The following CALCR variants were observed in gnomAD, a reference collection of about 807,000 sequenced individuals.
CALCR encodes calcitonin receptor.
In CALCR, 47 loss-of-function variants were observed where a neutral mutation model predicts 59.5. That is an observed-to-expected ratio of 0.79 (90% CI 0.63 to 1.01). The LOEUF is 1.01. CALCR is among the 50% of genes least tolerant of loss of function. The pLI is 0.00. For synonymous variants in CALCR, 213 were observed against 211.3 expected, an observed-to-expected ratio of 1.01 and a Z score of -0.07; for missense variants, 566 against 597.1, an observed-to-expected ratio of 0.95 and a Z score of 0.54.
At chr7:93,549,371 G>C (rs1288657725) in intron 2 of CALCR, among the ~76,000 whole-genome samples, 1 of 151,940 alleles carries the variant, frequency 6.6e-6, no homozygotes, top group Non-Finnish European at 1.5e-5. Context: ...GGAAGGTAGA[G>C]AGAAAAAAGG....
chr7:93,499,206 G>A (rs970684003), intron 2 of CALCR, among the ~76,000 whole-genome samples: 1 of 151,718 alleles, frequency 6.6e-6, no homozygotes, highest in Non-Finnish European at 1.5e-5. Context: ...ACTTGACATT[G>A]TAATAGAAAA....
intron 2 of CALCR, among the ~76,000 whole-genome samples, chr7:93,547,722 C>T (rs760841071): frequency 6.6e-6 from 1 of 152,184 alleles, no homozygotes; most frequent in Non-Finnish European, 1.5e-5. Flanking sequence ...TGGAAAGTCA[C>T]ACCTGAGTAT....
At position 93,426,473 on chromosome 7, in the gene CALCR, G is replaced by T. The variant is rs751428108; in HGVS notation, c.1308C>A (p.Gly436=). The change falls in exon 14 of 14, where the codon GGC becomes GGA. Residue 436 remains glycine, a synonymous_variant. Transcript: ENST00000426151. ...ARAAAAAAEA[G]DIPIYICHQE... ...GATGGCAGATGTAAATTGGGATGTCGCCAGCCTCCGCAGCAGCGGCTGCAG... is the reference window on the plus strand; with the variant it reads ...GATGGCAGATGTAAATTGGGATGTCTCCAGCCTCCGCAGCAGCGGCTGCAG... 4.3e-6 allele frequency: 7 copies of T among 1,613,408 alleles called. No individual in the cohort carries two copies. The South Asian group carries it at 6.6e-5, about 15-fold the overall frequency.
chr7:93,503,311 C>A (rs531650300), intron 2 of CALCR, among the ~76,000 whole-genome samples: 2 of 152,150 alleles, frequency 1.3e-5, no homozygotes, highest in Non-Finnish European at 1.5e-5. Flanking sequence ...ACTACTCACA[C>A]CCTATTGCCC....
At chr7:93,444,019 C>A (rs1799963483) in intron 8 of CALCR, among the ~76,000 whole-genome samples, 1 of 152,156 alleles carries the variant, frequency 6.6e-6, no homozygotes, top group Non-Finnish European at 1.5e-5. Flanking sequence ...TGCGGACTTA[C>A]ACAGATGGGT....
intron 13 of CALCR, among the ~76,000 whole-genome samples, chr7:93,430,891 T>C (rs539690527): frequency 6.6e-6 from 1 of 152,320 alleles, no homozygotes; most frequent in African/African-American, 2.4e-5. Flanking sequence ...TTGCTTAGCA[T>C]TGAGACTCAA....
intron 2 of CALCR, among the ~76,000 whole-genome samples, chr7:93,526,800 T>C (rs1801886506): frequency 6.6e-6 from 1 of 152,098 alleles, no homozygotes; most frequent in Non-Finnish European, 1.5e-5. Context: ...TTCAACAACA[T>C]AGTTACTTAT....
At chr7:93,533,052 C>T (rs1788888974) in intron 2 of CALCR, among the ~76,000 whole-genome samples, 1 of 151,680 alleles carries the variant, frequency 6.6e-6, no homozygotes, top group Admixed American at 6.6e-5. Context: ...AAGGTGATGC[C>T]AATTTTCTCA....
Position 93,436,062 on chromosome 7 carries a change from T to C in CALCR, c.1039A>G (p.Ile347Val). The change falls in exon 12 of 14, where the codon ATC becomes GTC. Residue 347 changes from isoleucine (I) to valine (V), a missense_variant. Coordinates refer to ENST00000426151, the MANE Select transcript of CALCR (RefSeq NM_001742.4). ...TGGATTCCCAGCAGGGGCACAAGGA[T>C]CATGGTGGCCTTCACAGCCTTCAGG... ...MYLKAVKATM[I>V]LVPLLGIQFV... 1 of 1,613,972 alleles carries C rather than the reference T, an allele frequency of 6.2e-7. No homozygotes were observed. The highest frequency in any genetic ancestry group is 8.5e-7 in the Non-Finnish European group (1 of 1,179,886).
intron 2 of CALCR, among the ~76,000 whole-genome samples, chr7:93,551,829 G>A (rs1005618168): frequency 2.0e-5 from 3 of 152,124 alleles, no homozygotes; most frequent in Admixed American, 2.0e-4. Context: ...TGCTGATACA[G>A]TGTGTTAAGC....
chr7:93,564,252 G>T (rs531797989), intron 2 of CALCR, among the ~76,000 whole-genome samples: 7 of 152,006 alleles, frequency 4.6e-5, no homozygotes, highest in African/African-American at 1.2e-4. Context: ...TGAATGTGTG[G>T]GGGGGGACAG....
chr7:93,558,358 G>A (rs1346381011), intron 2 of CALCR, among the ~76,000 whole-genome samples: 1 of 151,938 alleles, frequency 6.6e-6, no homozygotes, highest in Non-Finnish European at 1.5e-5. Context: ...ACCATGGTTT[G>A]ATAATGTTTA....
At chr7:93,532,015 A>G (rs561348581) in intron 2 of CALCR, among the ~76,000 whole-genome samples, 1 of 152,230 alleles carries the variant, frequency 6.6e-6, no homozygotes, top group South Asian at 2.1e-4. Context: ...ATTTTAAAAA[A>G]CAACTATAAT....
At chr7:93,541,074 C>T (rs1000146514) in intron 2 of CALCR, among the ~76,000 whole-genome samples, 1 of 152,002 alleles carries the variant, frequency 6.6e-6, no homozygotes. Flanking sequence ...ATATGATTGC[C>T]ACGCAAATGC....
At chr7:93,432,093 C>T (rs1304358264) in intron 13 of CALCR, among the ~76,000 whole-genome samples, 1 of 152,052 alleles carries the variant, frequency 6.6e-6, no homozygotes, top group African/African-American at 2.4e-5. Context: ...TCTAGTCTAC[C>T]CACTGACTCT....
chr7:93,481,916 T>G (rs1026764746), intron 3 of CALCR, among the ~76,000 whole-genome samples: 1 of 151,858 alleles, frequency 6.6e-6, no homozygotes, highest in Non-Finnish European at 1.5e-5. Flanking sequence ...CAAATATTGA[T>G]CAAACTTGAT....
chr7:93,435,505 A>AATGTT (rs1799752453), intron 12 of CALCR, among the ~76,000 whole-genome samples: 1 of 152,106 alleles, frequency 6.6e-6, no homozygotes, highest in Non-Finnish European at 1.5e-5. Context: ...TGGAGGCTTA[A>AATGTT]ATGTTATGAC....
chr7:93,504,492 T>C (rs1478117449), intron 2 of CALCR, among the ~76,000 whole-genome samples: 1 of 152,158 alleles, frequency 6.6e-6, no homozygotes, highest in Non-Finnish European at 1.5e-5. Flanking sequence ...CTCAACAGCG[T>C]CTTTTTCTTT....
chr7:93,548,887 T>C (rs902914711), intron 2 of CALCR, among the ~76,000 whole-genome samples: 31 of 143,060 alleles, frequency 2.2e-4, no homozygotes, highest in Non-Finnish European at 4.4e-4. Context: ...TGTCTGTGTG[T>C]GTGTATGAAT....
Sources: allele counts gnomAD v4.1 joint callset (sites outside exome capture counted in the v4.1 genomes callset), GRCh38; gene constraint gnomAD v4.1.1; transcripts MANE v1.5; gene names NCBI Gene and HGNC (gene_info 2026-07-23, HGNC 2026-07-21).